EPHA3: variants seen among roughly 807,000 people sequenced by gnomAD.
EPHA3 encodes EPH receptor A3, also known as ephrin type-A receptor 3.
In EPHA3, 42 loss-of-function variants were observed where a neutral mutation model predicts 107.1. That is an observed-to-expected ratio of 0.39 (90% confidence interval 0.31 to 0.51). The LOEUF (loss-of-function observed/expected upper bound fraction) is 0.51, where lower values mean the gene tolerates loss of function less well. EPHA3 is among the 20% of genes least tolerant of loss of function. The probability of loss-of-function intolerance (pLI) is 0.78; values close to 1 mark genes in which losing one functional copy is unlikely to be tolerated. For synonymous variants in EPHA3, 461 were observed against 424.8 expected, an observed-to-expected ratio of 1.09 and a Z score of -1.05; for missense variants, 1,183 against 1,211.2, an observed-to-expected ratio of 0.98 and a Z score of 0.35.
intron 2 of EPHA3, among the ~76,000 whole-genome samples, chr3:89,133,903 G>C (rs1329232319): frequency 6.6e-6 from 1 of 151,882 alleles, no homozygotes. Context: ...GCTTCTTCTT[G>C]GTCGAGCCAC....
chr3:89,391,421 CTTT>C (rs758307339), intron 5 of EPHA3, among the ~76,000 whole-genome samples: 1 of 115,996 alleles, frequency 8.6e-6, no homozygotes. Context: ...TCTTTCTTTT[CTTT>C]TTTTTTTTTT....
chr3:89,302,535 C>G (rs1576299434), intron 3 of EPHA3, among the ~76,000 whole-genome samples: 1 of 152,072 alleles, frequency 6.6e-6, no homozygotes, highest in Non-Finnish European at 1.5e-5. Flanking sequence ...TACAGAATTA[C>G]AGTCAGGGGC....
At chr3:89,262,789 C>T (rs1269615140) in intron 3 of EPHA3, among the ~76,000 whole-genome samples, 1 of 151,928 alleles carries the variant, frequency 6.6e-6, no homozygotes, top group Non-Finnish European at 1.5e-5. Context: ...ACTCTATTCA[C>T]TCGCACCCAC....
At chr3:89,438,141 C>T (rs1160069349) in intron 13 of EPHA3, among the ~76,000 whole-genome samples, 1 of 151,914 alleles carries the variant, frequency 6.6e-6, no homozygotes, top group East Asian at 1.9e-4. Flanking sequence ...TGGAGTCTCA[C>T]TCTGTCGCCC....
intron 2 of EPHA3, among the ~76,000 whole-genome samples, chr3:89,139,111 C>T (rs151242385): frequency 5.9e-5 from 9 of 151,942 alleles, no homozygotes; most frequent in African/African-American, 1.9e-4. Context: ...ATGTAAATGG[C>T]TACCTCCCTT....
Position 89,428,350 on chromosome 3 carries a change from T to C in EPHA3, c.2075-756T>C, listed in dbSNP as rs116318896. 9.7e-3 allele frequency among the ~76,000 whole-genome samples: 1,473 copies of C among 152,132 alleles called. 27 individuals carry two copies. The highest frequency in any genetic ancestry group is 0.034 in the African/African-American group (1,409 of 41,520). On this transcript the variant is annotated intron_variant, in intron 11 of 16. Coordinates refer to ENST00000336596, the MANE Select transcript of EPHA3 (RefSeq NM_005233.6). ...TAATAATACTTAATATGTTAATATA[T>C]AAATTAATTACACCAGCATCATGCT...
At chr3:89,282,735 A>AT (rs1274537317) in intron 3 of EPHA3, among the ~76,000 whole-genome samples, 1 of 152,124 alleles carries the variant, frequency 6.6e-6, no homozygotes, top group African/African-American at 2.4e-5. Context: ...GAACTGGGTT[A>AT]TTGAATCATG....
At chr3:89,437,411 G>T (rs1009125709) in intron 13 of EPHA3, among the ~76,000 whole-genome samples, 1 of 151,650 alleles carries the variant, frequency 6.6e-6, no homozygotes, top group Admixed American at 6.6e-5. Context: ...AATCATCAAA[G>T]AAGTTTTGTG....
At chr3:89,307,914 T>A (rs538982539) in intron 3 of EPHA3, among the ~76,000 whole-genome samples, 1 of 152,256 alleles carries the variant, frequency 6.6e-6, no homozygotes, top group South Asian at 2.1e-4. Context: ...TGGTTTAATA[T>A]GGTAAGTTTA....
At position 89,113,485 on chromosome 3, in the gene EPHA3, CAAAAAAAAA is replaced by C. The variant is rs753848304; in HGVS notation, c.88+5669_88+5677del. Among the ~76,000 whole-genome samples, 131 of 31,102 alleles carry C rather than the reference CAAAAAAAAA, an allele frequency of 4.2e-3. 1 individual carries two copies. The highest frequency in any genetic ancestry group is 0.033 in the Middle Eastern group (1 of 30). The allele number at this position is 31,102 out of a possible 152,430, so 20.4% of individuals were successfully genotyped here. A position where few individuals can be genotyped will look rare whatever the true frequency, so the allele number is the denominator to read the frequency against. On this transcript the variant is annotated intron_variant, in intron 1 of 16. Transcript: ENST00000336596. ...TTGCCTCCTACCAGCTTCCTTTGTACAAAAAAAAAAAAAAAAAAAAAAAAAAAAGAGGGG... is the reference window on the plus strand; with the variant it reads ...TTGCCTCCTACCAGCTTCCTTTGTACAAAAAAAAAAAAAAAAAAAGAGGGG...
At chr3:89,364,075 C>T (rs1200958665) in intron 5 of EPHA3, among the ~76,000 whole-genome samples, 8 of 150,738 alleles carry the variant, frequency 5.3e-5, no homozygotes, top group African/African-American at 1.9e-4. Flanking sequence ...TTGGAGATCA[C>T]CTTCTTATGT....
At chr3:89,239,395 G>A (rs187103169) in intron 3 of EPHA3, among the ~76,000 whole-genome samples, 1 of 152,120 alleles carries the variant, frequency 6.6e-6, no homozygotes, top group East Asian at 1.9e-4. Flanking sequence ...ACTGATTTAA[G>A]GAAATAGCCC....
chr3:89,209,997 G>T lies in EPHA3; in HGVS notation c.291G>T (p.Val97=). ...VPRNSAQKIY[V]ELKFTLRDCN... is the part of the protein sequence containing the mutation. ...GGAACTCAGCTCAGAAGATTTATGT[G>T]GAGCTCAAGTTCACTCTACGAGACT... The change falls in exon 3 of 17, where the codon GTG becomes GTT. Residue 97 remains valine, a synonymous_variant. Transcript: ENST00000336596. 1 of 1,613,938 alleles carries T rather than the reference G, an allele frequency of 6.2e-7. No homozygotes were observed. The highest frequency in any genetic ancestry group is 8.5e-7 in the Non-Finnish European group (1 of 1,179,928).
chr3:89,147,768 A>G (rs1704597756), intron 2 of EPHA3, among the ~76,000 whole-genome samples: 1 of 151,956 alleles, frequency 6.6e-6, no homozygotes. Context: ...GGGCATCAAA[A>G]GATGCTAGTA....
intron 3 of EPHA3, among the ~76,000 whole-genome samples, chr3:89,310,376 T>A (rs1199191588): frequency 1.3e-5 from 2 of 152,078 alleles, no homozygotes; most frequent in Non-Finnish European, 2.9e-5. Flanking sequence ...GGAAAATTCA[T>A]TAATTTTTTT....
chr3:89,285,579 G>A (rs1706062943), intron 3 of EPHA3, among the ~76,000 whole-genome samples: 1 of 152,196 alleles, frequency 6.6e-6, no homozygotes, highest in African/African-American at 2.4e-5. Context: ...TGAAAGAATT[G>A]AGTGGGCAAA....
intron 9 of EPHA3, among the ~76,000 whole-genome samples, chr3:89,409,200 A>G (rs1709110883): frequency 6.6e-6 from 1 of 152,120 alleles, no homozygotes; most frequent in Admixed American, 6.6e-5. Context: ...CCAAAGTACT[A>G]CATTCCTAAA....
intron 16 of EPHA3, among the ~76,000 whole-genome samples, chr3:89,475,076 A>T (rs557090060): frequency 6.6e-6 from 1 of 152,236 alleles, no homozygotes; most frequent in Admixed American, 6.5e-5. Context: ...TCTTGAAAGG[A>T]GCTGCTTTTT....
rs1705598923 is a variant in EPHA3, at chr3:89,187,578, A to G, written c.154-22282A>G. Among the ~76,000 whole-genome samples the G allele has an allele frequency of 4.6e-5, 7 of 152,072 alleles. No homozygotes were observed. In the South Asian group the frequency reaches 1.4e-3, roughly 31 times the overall value. ...AAAAATATGTTAATTTAAATTAAAA[A>G]ATGAATTTGAGCTGATGAATATCAG... On this transcript the variant is annotated intron_variant, in intron 2 of 16. Transcript: ENST00000336596.
Sources: gnomAD v4.1 joint callset for allele counts (sites outside exome capture counted in the v4.1 genomes callset) on GRCh38, gnomAD v4.1.1 for gene constraint, MANE v1.5 for transcripts, NCBI Gene and HGNC (gene_info 2026-07-23, HGNC 2026-07-21) for gene names.